PRKX: variants seen among roughly 807,000 people sequenced by gnomAD.
The protein encoded by PRKX is cAMP-dependent protein kinase catalytic subunit PRKX.
A neutral mutation model predicts 22.0 loss-of-function variants in PRKX; 12 were observed. The observed-to-expected ratio is 0.54, with a 90% CI of 0.35 to 0.88. The LOEUF is 0.88. Among genes scored for constraint, PRKX ranks in the 40% least tolerant of loss-of-function variants. PRKX has a pLI of 0.01. For missense variants in PRKX, 217 were observed against 308.0 expected, an observed-to-expected ratio of 0.70 and a Z score of 2.21; for synonymous variants, 134 against 137.7, an observed-to-expected ratio of 0.97 and a Z score of 0.19.
chrX:3,683,903 A>G (rs142380578), intron 1 of PRKX, among the ~76,000 whole-genome samples: 58 of 111,204 alleles, frequency 5.2e-4, no homozygotes, highest in South Asian at 7.6e-4. Flanking sequence ...AGTCATCTGT[A>G]CATAAATCCC....
chrX:3,666,571 G>A (rs753311507), intron 2 of PRKX, among the ~76,000 whole-genome samples: 1 of 111,761 alleles, frequency 8.9e-6, no homozygotes, highest in Non-Finnish European at 1.9e-5. Flanking sequence ...AGGAGTTTGA[G>A]AACAGCCTGG....
At chrX:3,701,617 G>A (rs1358123331) in intron 1 of PRKX, among the ~76,000 whole-genome samples, 1 of 112,433 alleles carries the variant, frequency 8.9e-6, no homozygotes, top group Non-Finnish European at 1.9e-5. Flanking sequence ...ATCTTGAAGA[G>A]GAGCTGGGTA....
In PRKX at chrX:3,713,181, C is replaced by A; in HGVS notation, c.73G>T (p.Asp25Tyr). The A allele has an allele frequency of 8.9e-7, 1 of 1,118,126 alleles. No homozygotes were observed. The highest frequency in any genetic ancestry group is 3.0e-5 in the Admixed American group (1 of 32,961). 92.1% of individuals were successfully genotyped at this position (1,118,126 alleles called of 1,213,427 possible). ...DSRKVAEETP[D>Y]GAPALCPSPE... Reference sequence around the variant, plus strand: ...CTGGGGCAGAGCGCGGGCGCCCCGTCGGGGGTCTCCTCCGCCACCTTGCGG... The same window carrying A: ...CTGGGGCAGAGCGCGGGCGCCCCGTAGGGGGTCTCCTCCGCCACCTTGCGG... Residue 25 changes from aspartate to tyrosine, a missense_variant, in exon 1 of 9, where the codon GAC becomes TAC. Coordinates refer to ENST00000262848, the MANE Select transcript of PRKX (RefSeq NM_005044.5).
At chrX:3,625,445 G>C (rs1490890441) in intron 5 of PRKX, among the ~76,000 whole-genome samples, 1 of 112,404 alleles carries the variant, frequency 8.9e-6, no homozygotes, top group Non-Finnish European at 1.9e-5. Flanking sequence ...GCTCTAGTTT[G>C]TGCCCAGGGG....
intron 5 of PRKX, among the ~76,000 whole-genome samples, chrX:3,624,587 CCATA>C (rs1265952701): frequency 9.1e-6 from 1 of 110,186 alleles, no homozygotes; most frequent in African/African-American, 3.3e-5. Flanking sequence ...GAAACCCCCC[CCATA>C]TATATATATA....
At position 3,621,262 on chromosome X, in the gene PRKX, C is replaced by T; in HGVS notation, c.870G>A (p.Met290Ile). The change falls in exon 6 of 9, where the codon ATG becomes ATA. Residue 290 changes from methionine (M) to isoleucine (I), a missense_variant. Met to Ile is a conservative substitution (Grantham distance 10, BLOSUM62 1). Transcript: ENST00000262848. ...ACCCACGGGATCAAATACTGACCTTCATGTTTCCTAATCGCCTTGTTCTGT... is the reference window on the plus strand; with the variant it reads ...ACCCACGGGATCAAATACTGACCTTTATGTTTCCTAATCGCCTTGTTCTGT... Reference protein sequence around the residue: ...VVDRTRRLGNMKNGANDVKHH... With the variant: ...VVDRTRRLGNIKNGANDVKHH... 1 of 1,207,490 alleles carries T rather than the reference C, an allele frequency of 8.3e-7. No homozygotes were observed. Among genetic ancestry groups the T allele is most frequent in the Non-Finnish European group, 1.1e-6 (1 of 892,614 alleles).
In PRKX at chrX:3,707,090, G is replaced by A. The variant is rs1392062723; in HGVS notation, c.166+5998C>T. Among the ~76,000 whole-genome samples the A allele has an allele frequency of 1.3e-4, 15 of 111,245 alleles. 1 individual carries two copies. The highest frequency in any genetic ancestry group is 1.3e-4 in the Non-Finnish European group (7 of 53,006). ...TGCAGTGAGCTGTTGATTGCACCAC[G>A]GCACCCCAGCCTGGGCGACAGAGTA... On this transcript the variant is annotated intron_variant, in intron 1 of 8. Coordinates refer to ENST00000262848, the MANE Select transcript of PRKX (RefSeq NM_005044.5).
intron 1 of PRKX, among the ~76,000 whole-genome samples, chrX:3,679,918 G>A (rs1928037569): frequency 9.0e-6 from 1 of 111,616 alleles, no homozygotes; most frequent in African/African-American, 3.3e-5. Flanking sequence ...TCAGATTTAT[G>A]AGCCATTCTA....
In PRKX at chrX:3,649,850, G is replaced by A. The variant is rs187434543; in HGVS notation, c.599+5299C>T. 7.3e-3 allele frequency among the ~76,000 whole-genome samples: 730 copies of A among 99,933 alleles called. 11 individuals are homozygous for A. Among genetic ancestry groups the A allele is most frequent in the African/African-American group, 0.026 (699 of 27,213 alleles). The allele number at this position is 99,933 out of a possible 115,157, so 86.8% of individuals were successfully genotyped here. A position where few individuals can be genotyped will look rare whatever the true frequency, so the allele number is the denominator to read the frequency against. On this transcript the variant is annotated intron_variant, in intron 3 of 8. Transcript: ENST00000262848. ...GGAGGGAGGAAGGAAGGAAGGAAGG[G>A]AGGGAGAGGCTGAGTACCGTAGCTC...
At chrX:3,702,171 C>T (rs1209717332) in intron 1 of PRKX, among the ~76,000 whole-genome samples, 1 of 112,182 alleles carries the variant, frequency 8.9e-6, no homozygotes, top group Non-Finnish European at 1.9e-5. Context: ...TGCCAAGACT[C>T]CAACATAAGC....
chrX:3,667,083 G>A (rs946543317), intron 2 of PRKX, among the ~76,000 whole-genome samples: 29 of 111,068 alleles, frequency 2.6e-4, no homozygotes, highest in Non-Finnish European at 4.5e-4. Flanking sequence ...CGTCAACAAC[G>A]ACTGAGACAA....
intron 1 of PRKX, among the ~76,000 whole-genome samples, chrX:3,695,329 C>G (rs773778805): frequency 2.7e-5 from 3 of 112,295 alleles, no homozygotes; most frequent in Non-Finnish European, 5.6e-5. Context: ...ACAATATCCT[C>G]TCCAACTCTT....
intron 1 of PRKX, among the ~76,000 whole-genome samples, chrX:3,694,374 C>T (rs1219741603): frequency 1.8e-5 from 2 of 109,224 alleles, no homozygotes; most frequent in Non-Finnish European, 3.8e-5. Context: ...GGCAAAAGAG[C>T]GAAACTCCAT....
chrX:3,700,168 T>G (rs1159148349), intron 1 of PRKX, among the ~76,000 whole-genome samples: 2 of 112,370 alleles, frequency 1.8e-5, no homozygotes, highest in African/African-American at 6.5e-5. Context: ...ACAATTCTAC[T>G]TCTTCTAGGA....
At chrX:3,658,390 C>T (rs930641175) in intron 2 of PRKX, among the ~76,000 whole-genome samples, 2 of 111,376 alleles carry the variant, frequency 1.8e-5, no homozygotes, top group African/African-American at 6.5e-5. Flanking sequence ...TCGAGCAATC[C>T]TCTCACCTCA....
intron 6 of PRKX, among the ~76,000 whole-genome samples, chrX:3,617,213 TAATA>T (rs1926444276): frequency 1.9e-5 from 2 of 107,454 alleles, no homozygotes; most frequent in African/African-American, 6.7e-5. Flanking sequence ...ACATACACGT[TAATA>T]TATACACATG....
intron 1 of PRKX, among the ~76,000 whole-genome samples, chrX:3,698,851 A>G (rs996304248): frequency 2.8e-5 from 3 of 108,415 alleles, no homozygotes; most frequent in Non-Finnish European, 3.8e-5. Context: ...TCAGCTTCCC[A>G]AAGTGCTGGG....
chrX:3,635,613 T>C (rs778355737), intron 4 of PRKX, among the ~76,000 whole-genome samples: 2 of 110,585 alleles, frequency 1.8e-5, no homozygotes, highest in Non-Finnish European at 3.8e-5. Context: ...TCTGAGACAG[T>C]GTCTTGCTCT....
intron 3 of PRKX, among the ~76,000 whole-genome samples, chrX:3,652,170 G>A (rs1409750202): frequency 2.7e-5 from 3 of 110,711 alleles, no homozygotes; most frequent in Non-Finnish European, 3.8e-5. Context: ...TGTAATCCTA[G>A]CACTTTGGGA....
Sources: allele counts gnomAD v4.1 joint callset (sites outside exome capture counted in the v4.1 genomes callset), GRCh38; gene constraint gnomAD v4.1.1; transcripts MANE v1.5; gene names NCBI Gene and HGNC (gene_info 2026-07-23, HGNC 2026-07-21).